Variants in COL4A6 observed in about 807,000 individuals in gnomAD.
COL4A6 encodes the protein collagen alpha-6(IV) chain.
A neutral mutation model predicts 126.7 loss-of-function variants in COL4A6; 59 were observed. The observed-to-expected ratio is 0.47, with a 90% CI of 0.38 to 0.58. COL4A6 has a LOEUF of 0.58. Ranked by LOEUF, COL4A6 falls within the 20% of genes least tolerant of loss-of-function variation. The pLI is 0.00. For synonymous variants in COL4A6, 547 were observed against 496.6 expected (o/e 1.10, Z -1.35); for missense variants, 1,285 against 1,337.3 (o/e 0.96, Z 0.61).
intron 2 of COL4A6, among the ~76,000 whole-genome samples, chrX:108,333,967 C>T (rs1298502636): frequency 1.8e-5 from 2 of 111,562 alleles, no homozygotes; most frequent in Non-Finnish European, 3.8e-5. Context: ...AATGACCATA[C>T]TGCCCAAAGC....
intron 2 of COL4A6, among the ~76,000 whole-genome samples, chrX:108,318,703 C>A: frequency 8.9e-6 from 1 of 112,191 alleles, no homozygotes; most frequent in Non-Finnish European, 1.9e-5. Context: ...AACTACAAAC[C>A]ACTGCTCAAT....
chrX:108,261,755 T>A (rs1394432414), intron 3 of COL4A6, among the ~76,000 whole-genome samples: 3 of 111,459 alleles, frequency 2.7e-5, no homozygotes, highest in African/African-American at 9.8e-5. Flanking sequence ...TGCAAGTAAA[T>A]ACCTAGCTCC....
intron 2 of COL4A6, among the ~76,000 whole-genome samples, chrX:108,338,239 A>C (rs1164436138): frequency 3.6e-5 from 4 of 111,962 alleles, no homozygotes; most frequent in Non-Finnish European, 5.7e-5. Context: ...GATGTCTTGG[A>C]CACATGGTTA....
intron 2 of COL4A6, among the ~76,000 whole-genome samples, chrX:108,399,150 A>G (rs185234624): frequency 3.0e-3 from 331 of 111,329 alleles, no homozygotes; most frequent in African/African-American, 0.01. Flanking sequence ...CTGGGTACAG[A>G]AGGGGAGGAG....
intron 3 of COL4A6, among the ~76,000 whole-genome samples, chrX:108,264,008 T>TATC (rs965603259): frequency 2.7e-5 from 3 of 111,683 alleles, no homozygotes; most frequent in Non-Finnish European, 5.7e-5. Context: ...TACTATTTGC[T>TATC]ATCTTTATCT....
intron 2 of COL4A6, among the ~76,000 whole-genome samples, chrX:108,384,801 T>A (rs1041044173): frequency 8.9e-6 from 1 of 112,162 alleles, no homozygotes; most frequent in Admixed American, 9.5e-5. Flanking sequence ...AAATAACTTG[T>A]CTAAGGTCAC....
At chrX:108,211,266 C>G (rs112629824) in intron 7 of COL4A6, among the ~76,000 whole-genome samples, 1 of 112,020 alleles carries the variant, frequency 8.9e-6, no homozygotes, top group Admixed American at 9.4e-5. Context: ...AAGGGCAGAA[C>G]CAGGATCTTT....
intron 2 of COL4A6, among the ~76,000 whole-genome samples, chrX:108,341,292 C>T (rs904742424): frequency 9.0e-6 from 1 of 111,528 alleles, no homozygotes; most frequent in Non-Finnish European, 1.9e-5. Flanking sequence ...GTCACCTCTT[C>T]TGGAAAGCCT....
chrX:108,363,299 C>T (rs2040128083), intron 2 of COL4A6, among the ~76,000 whole-genome samples: 1 of 111,969 alleles, frequency 8.9e-6, no homozygotes. Flanking sequence ...TGGCATTCTA[C>T]AATTGCTCAT....
chrX:108,265,466 C>T (rs1272648750), intron 3 of COL4A6, among the ~76,000 whole-genome samples: 1 of 108,801 alleles, frequency 9.2e-6, no homozygotes, highest in Admixed American at 9.9e-5. Flanking sequence ...TTATTAAGTA[C>T]TACAAATAAA....
intron 2 of COL4A6, among the ~76,000 whole-genome samples, chrX:108,390,365 C>A (rs1326120486): frequency 4.5e-5 from 5 of 110,861 alleles, no homozygotes; most frequent in African/African-American, 1.6e-4. Flanking sequence ...TTCAGGTACA[C>A]CAATCAAACA....
In COL4A6 at chrX:108,403,233, G is replaced by GCTCTCT. The variant is rs59212608; in HGVS notation, c.63+34703_63+34708dup. ...CCACAATGTATCTATGCAAAGATTAGCTCTCTCTCTCTCTCTCTCTCTCTC... is the reference window on the plus strand; with the variant it reads ...CCACAATGTATCTATGCAAAGATTAGCTCTCTCTCTCTCTCTCTCTCTCTCTCTCTC... On this transcript the variant is annotated intron_variant, in intron 2 of 44. Transcript: ENST00000334504. Among the ~76,000 whole-genome samples the GCTCTCT allele has an allele frequency of 6.2e-3, 386 of 62,326 alleles. 10 individuals carry two copies. Among genetic ancestry groups the GCTCTCT allele is most frequent in the East Asian group, 0.014 (20 of 1,464 alleles). 54.1% of individuals were successfully genotyped at this position (62,326 alleles called of 115,157 possible).
intron 3 of COL4A6, among the ~76,000 whole-genome samples, chrX:108,280,188 A>G (rs1390923954): frequency 8.9e-6 from 1 of 111,814 alleles, no homozygotes; most frequent in Non-Finnish European, 1.9e-5. Context: ...CCCTTCAAAA[A>G]ATTAACGAAT....
chrX:108,237,902 CTATCTATG>C (rs1375394495), intron 3 of COL4A6, among the ~76,000 whole-genome samples: 36 of 84,663 alleles, frequency 4.3e-4, no homozygotes, highest in Admixed American at 3.0e-3. Context: ...ATCTATCTAT[CTATCTATG>C]TATCATTTAT....
intron 3 of COL4A6, among the ~76,000 whole-genome samples, chrX:108,226,104 T>C (rs2036160270): frequency 1.8e-5 from 2 of 112,759 alleles, no homozygotes; most frequent in Admixed American, 9.3e-5. Flanking sequence ...AATTAAGTTA[T>C]GTGACCTTGG....
At chrX:108,394,732 G>C (rs1455805167) in intron 2 of COL4A6, among the ~76,000 whole-genome samples, 1 of 111,873 alleles carries the variant, frequency 8.9e-6, no homozygotes. Context: ...TGCATTAAAA[G>C]TAATTGTAAA....
chrX:108,319,898 T>A (rs1450128139), intron 2 of COL4A6, among the ~76,000 whole-genome samples: 1 of 111,506 alleles, frequency 9.0e-6, no homozygotes, highest in African/African-American at 3.3e-5. Context: ...AGGAGAGAGA[T>A]GGAAGAATTG....
chrX:108,416,822 C>T lies in COL4A6; in HGVS notation c.63+21120G>A, dbSNP rs141539048. On this transcript the variant is annotated intron_variant, in intron 2 of 44. Coordinates refer to ENST00000334504, the MANE Select transcript of COL4A6 (RefSeq NM_033641.4). ...ATACCTTGTTGGGTGTAGAAGGGCA[C>T]AATCAATGAGGATTAAGATCTATCT... is the stretch of plus-strand genomic sequence containing the variant. 1.5e-4 allele frequency among the ~76,000 whole-genome samples: 17 copies of T among 111,673 alleles called. No homozygotes were observed. The East Asian group carries it at 3.9e-3, about 26-fold the overall frequency.
chrX:108,194,040 C>T (rs1023387928), intron 16 of COL4A6, among the ~76,000 whole-genome samples: 2 of 112,524 alleles, frequency 1.8e-5, no homozygotes, highest in Admixed American at 9.4e-5. Flanking sequence ...CCACTCTCAA[C>T]AGGCCTGGGC....
Sources: gnomAD v4.1 joint callset for allele counts (sites outside exome capture counted in the v4.1 genomes callset) on GRCh38, gnomAD v4.1.1 for gene constraint, MANE v1.5 for transcripts, NCBI Gene and HGNC (gene_info 2026-07-23, HGNC 2026-07-21) for gene names.